The following PRKN variants were observed in gnomAD, a reference collection of about 807,000 sequenced individuals.
The protein encoded by PRKN is E3 ubiquitin-protein ligase parkin.
PRKN carries 56 observed loss-of-function variants against 59.5 expected under a neutral mutation model. That is an observed-to-expected ratio of 0.94 (90% CI 0.76 to 1.18). The LOEUF (loss-of-function observed/expected upper bound fraction) is 1.18, where lower values mean the gene tolerates loss of function less well. Ranked by LOEUF, PRKN falls within the 50% of genes most tolerant of loss-of-function variation. PRKN has a pLI of 0.00. For missense variants in PRKN, 657 were observed against 596.4 expected, an observed-to-expected ratio of 1.10 and a Z score of -1.06; for synonymous variants, 250 against 222.1, an observed-to-expected ratio of 1.13 and a Z score of -1.12.
At position 161,405,098 on chromosome 6, in the gene PRKN, G is replaced by A. The variant is rs528033719; in HGVS notation, c.1084-18221C>T. Among the ~76,000 whole-genome samples the A allele has an allele frequency of 3.9e-4, 60 of 152,240 alleles. No homozygotes were observed. Among genetic ancestry groups the A allele is most frequent in the African/African-American group, 1.4e-3 (57 of 41,526 alleles). ...TCCTCCAGCTCTGACTCTTTAAACT[G>A]AATGCTGATTTATCTCTCCAAATAT... On this transcript the variant is annotated intron_variant, in intron 9 of 11. Coordinates refer to ENST00000366898, the MANE Select transcript of PRKN (RefSeq NM_004562.3). The surrounding 1 kb of genome is among the most constrained non-coding windows in gnomAD (Gnocchi z 5.1).
At chr6:161,901,830 G>T (rs1018887780) in intron 6 of PRKN, among the ~76,000 whole-genome samples, 1 of 152,140 alleles carries the variant, frequency 6.6e-6, no homozygotes, top group Non-Finnish European at 1.5e-5. Context: ...TGTCCAGGAG[G>T]TAACTGGAGA....
At chr6:161,777,843 T>TACATAC (rs1790016211) in intron 7 of PRKN, among the ~76,000 whole-genome samples, 2 of 144,842 alleles carry the variant, frequency 1.4e-5, no homozygotes, top group African/African-American at 5.2e-5. Context: ...TATACGTATA[T>TACATAC]ATGTATATAT....
At chr6:162,109,274 A>C (rs1362785553) in intron 4 of PRKN, among the ~76,000 whole-genome samples, 1 of 152,208 alleles carries the variant, frequency 6.6e-6, no homozygotes, top group Non-Finnish European at 1.5e-5. Flanking sequence ...CACCTTCTAC[A>C]TCAGTAAGAC....
At chr6:161,754,307 ACTCCGAGGGC>A (rs1283067914) in intron 7 of PRKN, among the ~76,000 whole-genome samples, 1 of 151,362 alleles carries the variant, frequency 6.6e-6, no homozygotes. Context: ...CACCAGCTTG[ACTCCGAGGGC>A]CTAGGAGATG....
chr6:162,621,390 C>T (rs1583924483), intron 1 of PRKN, among the ~76,000 whole-genome samples: 1 of 152,156 alleles, frequency 6.6e-6, no homozygotes, highest in Non-Finnish European at 1.5e-5. Flanking sequence ...AGACACATGG[C>T]TCAGCTCCTC....
At chr6:161,744,823 C>A (rs1232043964) in intron 7 of PRKN, among the ~76,000 whole-genome samples, 1 of 152,214 alleles carries the variant, frequency 6.6e-6, no homozygotes, top group African/African-American at 2.4e-5. Flanking sequence ...AAAGCCACAT[C>A]AACGGCATTT....
intron 1 of PRKN, among the ~76,000 whole-genome samples, chr6:162,503,136 C>CTT (rs10629175): frequency 0.015 from 1,240 of 81,072 alleles, 15 homozygotes; most frequent in African/African-American, 0.033. Context: ...GTCTTCATTT[C>CTT]TTTTTTTTTT....
chr6:162,630,980 G>A (rs143418151), intron 1 of PRKN, among the ~76,000 whole-genome samples: 19 of 152,126 alleles, frequency 1.2e-4, no homozygotes, highest in Admixed American at 1.2e-3. Flanking sequence ...AAATTGACTA[G>A]TATAACTCAG....
At chr6:162,241,548 C>A (rs1303073724) in intron 3 of PRKN, among the ~76,000 whole-genome samples, 1 of 151,852 alleles carries the variant, frequency 6.6e-6, no homozygotes, top group Non-Finnish European at 1.5e-5. Flanking sequence ...AGGTCTTATC[C>A]CTACTTATAT....
At chr6:162,648,571 G>A (rs1215893214) in intron 1 of PRKN, among the ~76,000 whole-genome samples, 1 of 151,940 alleles carries the variant, frequency 6.6e-6, no homozygotes, top group Non-Finnish European at 1.5e-5. Flanking sequence ...TAGTAGAGAC[G>A]GGGTTTCACC....
rs1554243454 is a variant in PRKN, at chr6:162,556,368, T to TGTGTGTGTGC, written c.8-112896_8-112895insGCACACACAC. ...GTGTGTGTGTGTGTGTGTGTGTGTGTGTGTGTGTGTGTGTGTGTGTGTGTG... is the reference window on the plus strand; with the variant it reads ...GTGTGTGTGTGTGTGTGTGTGTGTGTGTGTGTGTGCGTGTGTGTGTGTGTGTGTGTGTGTG... On this transcript the variant is annotated intron_variant, in intron 1 of 11. Transcript: ENST00000366898. 5.5e-4 allele frequency among the ~76,000 whole-genome samples: 54 copies of TGTGTGTGTGC among 98,122 alleles called. 1 individual carries two copies. Among genetic ancestry groups the TGTGTGTGTGC allele is most frequent in the East Asian group, 4.5e-3 (6 of 1,334 alleles). The allele number at this position is 98,122 out of a possible 152,430, so 64.4% of individuals were successfully genotyped here. A position where few individuals can be genotyped will look rare whatever the true frequency, so the allele number is the denominator to read the frequency against.
intron 7 of PRKN, among the ~76,000 whole-genome samples, chr6:161,723,849 G>A (rs1045907073): frequency 6.6e-6 from 1 of 152,120 alleles, no homozygotes; most frequent in Non-Finnish European, 1.5e-5. Context: ...CCCTCAAGCT[G>A]GTTCAGCAGA....
chr6:162,281,532 A>C (rs906728245), intron 2 of PRKN, among the ~76,000 whole-genome samples: 1 of 152,182 alleles, frequency 6.6e-6, no homozygotes, highest in African/African-American at 2.4e-5. Context: ...GCTATATCCT[A>C]CACATAGCTT....
Position 162,099,910 on chromosome 6 carries a change from A to C in PRKN, c.535-45736T>G, listed in dbSNP as rs568865894. Among the ~76,000 whole-genome samples the C allele has an allele frequency of 3.9e-5, 6 of 152,288 alleles. No homozygotes were observed. The South Asian group carries it at 1.2e-3, about 32-fold the overall frequency. ...ACTGAAAGTTTGCTTCCTGTGACCA[A>C]CACCTCCCCGCCCACACACAGCCCC... On this transcript the variant is annotated intron_variant, in intron 4 of 11. Coordinates refer to ENST00000366898, the MANE Select transcript of PRKN (RefSeq NM_004562.3).
At chr6:162,638,270 C>T (rs10945854) in intron 1 of PRKN, among the ~76,000 whole-genome samples, 29,418 of 150,504 alleles carry the variant, frequency 0.2, 3,513 homozygotes, top group East Asian at 0.47. Flanking sequence ...GTTTTCTTGA[C>T]GTACAGAATT....
At chr6:161,425,137 C>G (rs1490851843) in intron 9 of PRKN, among the ~76,000 whole-genome samples, 1 of 152,100 alleles carries the variant, frequency 6.6e-6, no homozygotes, top group African/African-American at 2.4e-5. Flanking sequence ...CTCACACACA[C>G]TTACTTTAAC....
At chr6:162,473,930 T>C (rs919085975) in intron 1 of PRKN, among the ~76,000 whole-genome samples, 1 of 152,216 alleles carries the variant, frequency 6.6e-6, no homozygotes, top group Non-Finnish European at 1.5e-5. Flanking sequence ...GCCTTTCTTT[T>C]ACAATGATGG....
At position 161,400,882 on chromosome 6, in the gene PRKN, C is replaced by T. The variant is rs904195991; in HGVS notation, c.1084-14005G>A. Among the ~76,000 whole-genome samples, 27 of 152,180 alleles carry T rather than the reference C, an allele frequency of 1.8e-4. No homozygotes were observed. Among genetic ancestry groups the T allele is most frequent in the Non-Finnish European group, 2.9e-4 (20 of 68,032 alleles). On this transcript the variant is annotated intron_variant, in intron 9 of 11. Transcript: ENST00000366898. The surrounding 1 kb of genome is among the most constrained non-coding windows in gnomAD (Gnocchi z 4.2). The stretch of plus-strand genomic sequence containing the variant: ...GAGAATAAGAACTGTCCTGGGTTAT[C>T]GCTAACTTTCACTGTGTCTGATTTA...
chr6:161,864,593 A>C (rs1002517056), intron 6 of PRKN, among the ~76,000 whole-genome samples: 1 of 152,098 alleles, frequency 6.6e-6, no homozygotes, highest in East Asian at 1.9e-4. Flanking sequence ...AATCGTTTTA[A>C]TGACATCTAG....
Sources: gnomAD v4.1 joint callset for allele counts (sites outside exome capture counted in the v4.1 genomes callset) on GRCh38, gnomAD v4.1.1 for gene constraint, Gnocchi (gnomAD v3.1) non-coding constraint, MANE v1.5 for transcripts, NCBI Gene and HGNC (gene_info 2026-07-23, HGNC 2026-07-21) for gene names.